Variants in FOXP2 observed in about 807,000 individuals in gnomAD.
FOXP2 encodes the protein forkhead box protein P2.
FOXP2 carries 12 observed loss-of-function variants against 115.8 expected under a neutral mutation model. That is an observed-to-expected ratio of 0.10 (90% CI 0.07 to 0.17). The LOEUF (loss-of-function observed/expected upper bound fraction) is 0.17, where lower values mean the gene tolerates loss of function less well. FOXP2 is among the 10% of genes least tolerant of loss of function. The pLI, the probability that FOXP2 is intolerant of heterozygous loss-of-function variation, is 1.00. For missense variants in FOXP2, 629 were observed against 843.5 expected (o/e 0.75, Z 3.15); for synonymous variants, 328 against 297.7 (o/e 1.10, Z -1.05).
At chr7:114,313,321 C>T (rs898400189) in intron 2 of FOXP2, among the ~76,000 whole-genome samples, 17 of 152,146 alleles carry the variant, frequency 1.1e-4, no homozygotes, top group African/African-American at 4.1e-4. Context: ...CTAAAAGATA[C>T]TTCCACTGAT....
intron 2 of FOXP2, among the ~76,000 whole-genome samples, chr7:114,338,664 A>T (rs1430708200): frequency 6.6e-6 from 1 of 150,968 alleles, no homozygotes; most frequent in Non-Finnish European, 1.5e-5. Context: ...AGCATAAGAA[A>T]GGATTGCATT....
At chr7:114,090,969 T>A (rs1283383498) in intron 1 of FOXP2, among the ~76,000 whole-genome samples, 1 of 151,816 alleles carries the variant, frequency 6.6e-6, no homozygotes. Context: ...AAAAATGCCA[T>A]CACTTTTTTT....
chr7:114,127,093 C>T (rs561743506), intron 1 of FOXP2, among the ~76,000 whole-genome samples: 7 of 152,218 alleles, frequency 4.6e-5, no homozygotes, highest in East Asian at 1.9e-4. Flanking sequence ...AATCTCACGT[C>T]GTTGTTGGCT....
At chr7:114,580,560 A>G (rs922317355) in intron 3 of FOXP2, among the ~76,000 whole-genome samples, 1 of 152,134 alleles carries the variant, frequency 6.6e-6, no homozygotes, top group Non-Finnish European at 1.5e-5. Flanking sequence ...CAGCCTGGGC[A>G]ACAGAGTGCG....
intron 2 of FOXP2, among the ~76,000 whole-genome samples, chr7:114,514,988 A>G (rs1306841484): frequency 4.0e-5 from 6 of 151,484 alleles, no homozygotes; most frequent in Admixed American, 2.6e-4. Context: ...TGTTCTTGCA[A>G]TAGTTTACTG....
intron 1 of FOXP2, among the ~76,000 whole-genome samples, chr7:114,150,754 T>C (rs987642705): frequency 6.6e-6 from 1 of 151,990 alleles, no homozygotes; most frequent in Non-Finnish European, 1.5e-5. Flanking sequence ...CTTTCCACTG[T>C]TGTGGTTTTC....
chr7:114,467,586 C>T (rs1486161923), intron 2 of FOXP2, among the ~76,000 whole-genome samples: 1 of 152,188 alleles, frequency 6.6e-6, no homozygotes, highest in Non-Finnish European at 1.5e-5. Flanking sequence ...TACCTCCTTA[C>T]TTCTTACTGC....
At chr7:114,110,331 A>T (rs1304486919) in intron 1 of FOXP2, among the ~76,000 whole-genome samples, 7 of 152,202 alleles carry the variant, frequency 4.6e-5, no homozygotes. Flanking sequence ...AAAACAATAG[A>T]ATTAAAAGTA....
chr7:114,173,613 T>G (rs754879896), intron 1 of FOXP2, among the ~76,000 whole-genome samples: 5 of 151,990 alleles, frequency 3.3e-5, no homozygotes, highest in Non-Finnish European at 5.9e-5. Flanking sequence ...TTATTTTTTT[T>G]TTTGTTTCTC....
chr7:114,523,684 T>C (rs1185875957), intron 2 of FOXP2, among the ~76,000 whole-genome samples: 1 of 152,220 alleles, frequency 6.6e-6, no homozygotes, highest in Admixed American at 6.5e-5. Flanking sequence ...TCTGCTTTTC[T>C]TCGACTGTCT....
In FOXP2 at chr7:114,206,908, C is replaced by T. The variant is rs151333352; in HGVS notation, c.-102+43820C>T. Among the ~76,000 whole-genome samples, 8 of 152,268 alleles carry T rather than the reference C, an allele frequency of 5.3e-5. No individual in the cohort carries two copies. The East Asian group carries it at 1.4e-3, about 26-fold the overall frequency. ...TATGCAACTGTCAGCATTATCAAAT[C>T]GTAGGACATTCTCATCACCTCAGAA... On this transcript the variant is annotated intron_variant, in intron 1 of 17. Coordinates refer to the FOXP2 transcript ENST00000634411.
chr7:114,636,988 A>G (rs1299798108), intron 6 of FOXP2, among the ~76,000 whole-genome samples: 1 of 152,142 alleles, frequency 6.6e-6, no homozygotes, highest in Non-Finnish European at 1.5e-5. Flanking sequence ...AGCCTGGGCA[A>G]CATAGTGAGA....
intron 2 of FOXP2, among the ~76,000 whole-genome samples, chr7:114,359,514 A>T (rs1791695889): frequency 6.6e-6 from 1 of 152,234 alleles, no homozygotes; most frequent in Non-Finnish European, 1.5e-5. Context: ...ATGGGCCTGG[A>T]AAAGCTGCAG....
intron 1 of FOXP2, among the ~76,000 whole-genome samples, chr7:114,224,030 A>G (rs573828103): frequency 1.8e-4 from 27 of 152,134 alleles, no homozygotes; most frequent in African/African-American, 6.5e-4. Context: ...TGTAATCAGA[A>G]CCAATTTTAT....
intron 3 of FOXP2, among the ~76,000 whole-genome samples, chr7:114,551,289 G>T (rs187693613): frequency 1.3e-5 from 2 of 152,236 alleles, no homozygotes; most frequent in East Asian, 3.9e-4. Flanking sequence ...TACCATAGGG[G>T]ATTCAAAGAT....
intron 2 of FOXP2, among the ~76,000 whole-genome samples, chr7:114,325,771 T>G (rs1042221726): frequency 1.9e-4 from 29 of 152,030 alleles, no homozygotes; most frequent in African/African-American, 7.0e-4. Flanking sequence ...TGGGCTTCCA[T>G]CTATCTTTGA....
At chr7:114,471,422 A>G (rs2129230572) in intron 2 of FOXP2, among the ~76,000 whole-genome samples, 1 of 152,230 alleles carries the variant, frequency 6.6e-6, no homozygotes, top group East Asian at 1.9e-4. Context: ...AATCAACCTG[A>G]CACATACCTT....
chr7:114,445,002 C>T (rs1411492828), intron 2 of FOXP2, among the ~76,000 whole-genome samples: 7 of 151,508 alleles, frequency 4.6e-5, no homozygotes, highest in Non-Finnish European at 1.0e-4. Context: ...CTCTGGAAGC[C>T]CAATTAGCAC....
intron 2 of FOXP2, among the ~76,000 whole-genome samples, chr7:114,396,506 A>G (rs1182028132): frequency 6.6e-6 from 1 of 152,100 alleles, no homozygotes; most frequent in Non-Finnish European, 1.5e-5. Context: ...TTTGGGCTAT[A>G]TATCCAAGTA....
Sources: gnomAD v4.1 joint callset for allele counts (sites outside exome capture counted in the v4.1 genomes callset) on GRCh38, gnomAD v4.1.1 for gene constraint, MANE v1.5 for transcripts, NCBI Gene and HGNC (gene_info 2026-07-23, HGNC 2026-07-21) for gene names.